EXT1: variants seen among roughly 807,000 people sequenced by gnomAD.
EXT1 encodes exostosin glycosyltransferase 1, also known as exostosin-1.
EXT1 carries 20 observed loss-of-function variants against 82.5 expected under a neutral mutation model. The observed-to-expected ratio is 0.24, with a 90% CI of 0.17 to 0.35. The LOEUF (loss-of-function observed/expected upper bound fraction) is 0.35, where lower values mean the gene tolerates loss of function less well. EXT1 is among the 10% of genes least tolerant of loss of function. The pLI, the probability that EXT1 is intolerant of heterozygous loss-of-function variation, is 1.00. For missense variants in EXT1, 757 were observed against 936.5 expected, an observed-to-expected ratio of 0.81 and a Z score of 2.50; for synonymous variants, 348 against 350.8, an observed-to-expected ratio of 0.99 and a Z score of 0.09.
chr8:117,870,352 T>C (rs1280329784), intron 1 of EXT1, among the ~76,000 whole-genome samples: 1 of 152,148 alleles, frequency 6.6e-6, no homozygotes, highest in Non-Finnish European at 1.5e-5. Context: ...CTGAGAATTG[T>C]TATGTCTGAG....
intron 1 of EXT1, among the ~76,000 whole-genome samples, chr8:118,053,287 G>A (rs1392962540): frequency 6.6e-6 from 1 of 152,082 alleles, no homozygotes; most frequent in Non-Finnish European, 1.5e-5. Flanking sequence ...CAAGAAGAGG[G>A]AGATGACCCT....
At chr8:118,011,519 G>A (rs1278577820) in intron 1 of EXT1, among the ~76,000 whole-genome samples, 2 of 152,188 alleles carry the variant, frequency 1.3e-5, no homozygotes, top group Non-Finnish European at 2.9e-5. Flanking sequence ...CACCATGCCT[G>A]GCATTTTATA....
chr8:117,976,368 G>A (rs775286133), intron 1 of EXT1, among the ~76,000 whole-genome samples: 1 of 152,124 alleles, frequency 6.6e-6, no homozygotes, highest in Non-Finnish European at 1.5e-5. Context: ...CTGGAGACAC[G>A]CATAATGTTC....
intron 1 of EXT1, among the ~76,000 whole-genome samples, chr8:117,891,671 C>T (rs965386013): frequency 1.3e-5 from 2 of 152,158 alleles, no homozygotes; most frequent in Non-Finnish European, 2.9e-5. Context: ...CACCACTTGT[C>T]ATTGCGTTTA....
intron 1 of EXT1, among the ~76,000 whole-genome samples, chr8:117,932,150 T>C (rs116281649): frequency 9.8e-5 from 15 of 152,342 alleles, no homozygotes; most frequent in African/African-American, 3.4e-4. Flanking sequence ...GGCCAAGTTA[T>C]ATATTTGAGG....
intron 1 of EXT1, among the ~76,000 whole-genome samples, chr8:118,096,073 A>AG (rs1337148426): frequency 6.6e-6 from 1 of 152,234 alleles, no homozygotes; most frequent in Non-Finnish European, 1.5e-5. Context: ...CTTCAATATC[A>AG]GTTAGCAGAG....
intron 1 of EXT1, among the ~76,000 whole-genome samples, chr8:117,858,753 G>A (rs1812613776): frequency 9.0e-6 from 1 of 111,226 alleles, no homozygotes; most frequent in Non-Finnish European, 1.8e-5. Flanking sequence ...AGGAAGGAAG[G>A]AAGGAAGGAA....
intron 1 of EXT1, among the ~76,000 whole-genome samples, chr8:117,857,102 T>C (rs1812577686): frequency 6.6e-6 from 1 of 152,232 alleles, no homozygotes; most frequent in South Asian, 2.1e-4. Flanking sequence ...ATTTTAAGCC[T>C]ACCGTTGAGA....
intron 1 of EXT1, among the ~76,000 whole-genome samples, chr8:117,850,164 T>C (rs1812429366): frequency 6.6e-6 from 1 of 152,234 alleles, no homozygotes; most frequent in African/African-American, 2.4e-5. Flanking sequence ...ATGGAATTCT[T>C]GTTGCTTGGT....
intron 1 of EXT1, among the ~76,000 whole-genome samples, chr8:117,928,873 G>A (rs1025127835): frequency 7.2e-5 from 11 of 151,874 alleles, no homozygotes; most frequent in African/African-American, 2.4e-4. Flanking sequence ...TTACGACACC[G>A]ATGAAAAAGG....
intron 4 of EXT1, among the ~76,000 whole-genome samples, chr8:117,823,786 G>T (rs1000622232): frequency 2.0e-5 from 3 of 152,146 alleles, no homozygotes; most frequent in African/African-American, 7.2e-5. Context: ...AAATATCTTA[G>T]TTCAATGATT....
At chr8:117,955,517 T>C (rs1303621895) in intron 1 of EXT1, among the ~76,000 whole-genome samples, 1 of 152,102 alleles carries the variant, frequency 6.6e-6, no homozygotes, top group Non-Finnish European at 1.5e-5. Flanking sequence ...CCTCTATCAC[T>C]CAGGAAATTA....
chr8:117,929,428 C>T (rs1814010215), intron 1 of EXT1, among the ~76,000 whole-genome samples: 1 of 152,190 alleles, frequency 6.6e-6, no homozygotes, highest in African/African-American at 2.4e-5. Context: ...ATCAGAGACA[C>T]AACAGAAAAC....
intron 1 of EXT1, among the ~76,000 whole-genome samples, chr8:118,107,130 T>A (rs1032843854): frequency 6.6e-6 from 1 of 152,172 alleles, no homozygotes; most frequent in Non-Finnish European, 1.5e-5. Flanking sequence ...AAAAGCAACC[T>A]TTTTTTAGTT....
chr8:117,847,853 T>C (rs952322079), intron 1 of EXT1, among the ~76,000 whole-genome samples: 3 of 152,052 alleles, frequency 2.0e-5, no homozygotes, highest in African/African-American at 7.2e-5. Flanking sequence ...TTTAATCCTT[T>C]TGTCTGGCCC....
chr8:117,917,356 T>C (rs530039880), intron 1 of EXT1, among the ~76,000 whole-genome samples: 1 of 152,146 alleles, frequency 6.6e-6, no homozygotes, highest in African/African-American at 2.4e-5. Context: ...TCCCAGCTAC[T>C]TGGGAGGCTG....
At position 117,822,499 on chromosome 8, in the gene EXT1, A is replaced by G. The variant is rs971844997; in HGVS notation, c.1383T>C (p.Tyr461=). The G allele has an allele frequency of 3.7e-6, 6 of 1,613,412 alleles. No individual in the cohort carries two copies. The highest frequency in any genetic ancestry group is 5.1e-6 in the Non-Finnish European group (6 of 1,179,798). The change falls in exon 5 of 11, where the codon TAT becomes TAC. Residue 461 remains tyrosine (Y), a synonymous_variant. Coordinates refer to ENST00000378204, the MANE Select transcript of EXT1 (RefSeq NM_000127.3). The part of the protein sequence containing the change: ...GLFVLPQYSS[Y]LGDFPYYYAN... Reference sequence around the variant, plus strand: ...CATAGTAGTAAGGAAAATCTCCCAGATAAGATGAATACTGTGGTAGTACGA... The same window carrying G: ...CATAGTAGTAAGGAAAATCTCCCAGGTAAGATGAATACTGTGGTAGTACGA...
chr8:118,082,286 C>G (rs572515169), intron 1 of EXT1, among the ~76,000 whole-genome samples: 3 of 147,524 alleles, frequency 2.0e-5, no homozygotes, highest in African/African-American at 8.1e-5. Flanking sequence ...TCTAAACTTT[C>G]GCATCATGCA....
At chr8:117,839,944 A>G (rs1812248052) in intron 1 of EXT1, among the ~76,000 whole-genome samples, 1 of 152,230 alleles carries the variant, frequency 6.6e-6, no homozygotes. Context: ...ATGAGAATTT[A>G]AGATATAAAC....
Sources: gnomAD v4.1 joint callset for allele counts (sites outside exome capture counted in the v4.1 genomes callset) on GRCh38, gnomAD v4.1.1 for gene constraint, MANE v1.5 for transcripts, NCBI Gene and HGNC (gene_info 2026-07-23, HGNC 2026-07-21) for gene names.